The following KHNYN variants were observed in gnomAD, a reference collection of about 807,000 sequenced individuals.
KHNYN encodes protein KHNYN.
KHNYN carries 42 observed loss-of-function variants against 62.7 expected under a neutral mutation model. That is an observed-to-expected ratio of 0.67 (90% confidence interval 0.52 to 0.87). The LOEUF (loss-of-function observed/expected upper bound fraction) is 0.87, where lower values mean the gene tolerates loss of function less well. Among genes scored for constraint, KHNYN ranks in the 40% least tolerant of loss-of-function variants. The probability of loss-of-function intolerance (pLI) is 0.00; values close to 1 mark genes in which losing one functional copy is unlikely to be tolerated. For synonymous variants in KHNYN, 347 were observed against 345.6 expected, an observed-to-expected ratio of 1.00 and a Z score of -0.04; for missense variants, 829 against 874.1, an observed-to-expected ratio of 0.95 and a Z score of 0.65.
chr14:24,438,344 T>C lies in KHNYN; in HGVS notation c.*1059T>C, dbSNP rs1432011427. 1 of 152,632 alleles carries C rather than the reference T, an allele frequency of 6.6e-6. No homozygotes were observed. Among genetic ancestry groups the C allele is most frequent in the African/African-American group, 2.4e-5 (1 of 41,438 alleles). 9.5% of individuals were successfully genotyped at this position (152,632 alleles called of 1,614,324 possible). On this transcript the variant is annotated 3_prime_UTR_variant, in exon 8 of 8. Coordinates refer to ENST00000553935, the MANE Select transcript of KHNYN (RefSeq NM_015299.3). Reference sequence around the variant, plus strand: ...CTCTGCAATGACAATATTAATGTGATCCGACCCTAACATTTTCTCTATGGA... The same window carrying C: ...CTCTGCAATGACAATATTAATGTGACCCGACCCTAACATTTTCTCTATGGA...
At position 24,431,661 on chromosome 14, in the gene KHNYN, C is replaced by A; in HGVS notation, c.400C>A (p.Arg134=). 6.2e-7 allele frequency: 1 copy of A among 1,614,088 alleles called. No individual in the cohort carries two copies. ...LTEAFVMAQS[R]VEELAERLSW... ...TGAAGCCTTTGTCATGGCTCAGAGC[C>A]GGGTAGAAGAGCTGGCAGAGCGGCT... The change falls in exon 3 of 8, where the codon CGG becomes AGG. Residue 134 remains arginine, a synonymous_variant. Transcript: ENST00000553935.
chr14:24,436,187 A>G lies in KHNYN; in HGVS notation c.1685+8A>G, dbSNP rs758334211. Reference sequence around the variant, plus strand: ...GGCAATCATCAGAGAACGGTGAGGGAGCCCTCCCGCTGAGAACTGGGCACA... The same window carrying G: ...GGCAATCATCAGAGAACGGTGAGGGGGCCCTCCCGCTGAGAACTGGGCACA... On this transcript the variant is annotated splice_region_variant and intron_variant, in intron 6 of 7. Coordinates refer to ENST00000553935, the MANE Select transcript of KHNYN (RefSeq NM_015299.3). 3 of 1,607,194 alleles carry G rather than the reference A, an allele frequency of 1.9e-6. No individual in the cohort carries two copies. In the African/African-American group the frequency reaches 4.0e-5, roughly 21 times the overall value.
Position 24,432,368 on chromosome 14 carries a change from CT to C in KHNYN, c.1108del (p.Cys370ValfsTer41). ...CACCTGCACCGGAACCCCCATGGCA[CT>C]GTGGAGACCGGGGTGACTGCGGAGA... ...PPPAPEPPWH[C>X]GDRGDCGDRG... On this transcript the variant is annotated frameshift_variant, in exon 3 of 8. Coordinates refer to ENST00000553935, the MANE Select transcript of KHNYN (RefSeq NM_015299.3). LOFTEE classifies it high-confidence loss of function. This position sits in a 1 kb window ranked among gnomAD's most constrained non-coding sequence, Gnocchi z 5.6. The C allele has an allele frequency of 6.2e-7, 1 of 1,613,972 alleles. No homozygotes were observed. Among genetic ancestry groups the C allele is most frequent in the Non-Finnish European group, 8.5e-7 (1 of 1,179,976 alleles).
Position 24,432,946 on chromosome 14 carries a change from C to G in KHNYN, c.1491C>G (p.Phe497Leu), listed in dbSNP as rs758739634. The G allele has an allele frequency of 3.7e-6, 6 of 1,614,078 alleles. No homozygotes were observed. The highest frequency in any genetic ancestry group is 5.1e-6 in the Non-Finnish European group (6 of 1,180,030). ...GTTCTTTTTCAATAGAGAGTCACTT[C>G]CTGCAAAAGCTGTATTCCCTCAGCC... ...SKDAKVRESHFLQKLYSLSLL... is the reference protein window; with the variant it reads ...SKDAKVRESHLLQKLYSLSLL... Residue 497 changes from phenylalanine to leucine, a missense_variant, in exon 5 of 8, where the codon TTC becomes TTG. Around this residue, in one of 2 missense-constraint regions of KHNYN, gnomAD observed 270 missense variants for 347.1 expected, o/e 0.78. Transcript: ENST00000553935. This position sits in a 1 kb window ranked among gnomAD's most constrained non-coding sequence, Gnocchi z 5.6.
intron 7 of KHNYN, 40 bp from the exon 8 acceptor site, chr14:24,436,996 C>CA (rs1566502071): frequency 1.3e-6 from 2 of 1,586,344 alleles, no homozygotes; most frequent in Non-Finnish European, 1.7e-6. Context: ...ATTTCCCCCC[C>CA]AGGATGCTCA....
chr14:24,432,066 G>T lies in KHNYN; in HGVS notation c.805G>T (p.Asp269Tyr), dbSNP rs1487489151. 2.5e-6 allele frequency: 4 copies of T among 1,579,062 alleles called. No homozygotes were observed. In the African/African-American group the frequency reaches 5.4e-5, roughly 21 times the overall value. ...GAAACAGGGTGGTCCCAGGGAGATG[G>T]ATTGGGGGTGGAAGGAGTTGCCTGG... Reference protein sequence around the residue: ...GGKQGGPREMDWGWKELPGEE... With the variant: ...GGKQGGPREMYWGWKELPGEE... Residue 269 changes from aspartate to tyrosine, a missense_variant, in exon 3 of 8, where the codon GAT becomes TAT. By Grantham distance (160) the Asp-to-Tyr change is radical. This residue lies in a region of KHNYN where 559 missense variants were observed against 527.0 expected (regional missense o/e 1.06). Transcript: ENST00000553935. The surrounding 1 kb of genome is among the most constrained non-coding windows in gnomAD (Gnocchi z 5.6).
In KHNYN at chr14:24,432,433, G is replaced by A; in HGVS notation, c.1172G>A (p.Gly391Asp). 6.2e-7 allele frequency: 1 copy of A among 1,613,554 alleles called. No homozygotes were observed. The highest frequency in any genetic ancestry group is 8.5e-7 in the Non-Finnish European group (1 of 1,179,856). The change falls in exon 3 of 8, where the codon GGC becomes GAC. Residue 391 changes from glycine (G) to aspartate (D), a missense_variant. Coordinates refer to ENST00000553935, the MANE Select transcript of KHNYN (RefSeq NM_015299.3). The surrounding 1 kb of genome is among the most constrained non-coding windows in gnomAD (Gnocchi z 5.6). ...GGGGACAGGGGAGACAAGCAGCAGGGCATGGCACGGGGTCGGGGGCCTCAA... is the reference window on the plus strand; with the variant it reads ...GGGGACAGGGGAGACAAGCAGCAGGACATGGCACGGGGTCGGGGGCCTCAA... Reference protein sequence around the residue: ...DVGDRGDKQQGMARGRGPQWK... With the variant: ...DVGDRGDKQQDMARGRGPQWK...
chr14:24,430,216 GGGCCC>G lies in KHNYN; in HGVS notation c.-18+113_-18+117del, dbSNP rs1221752134. The G allele has an allele frequency of 3.8e-5, 35 of 914,206 alleles. No individual in the cohort carries two copies. The East Asian group carries it at 2.0e-3, about 53-fold the overall frequency. 56.6% of individuals were successfully genotyped at this position (914,206 alleles called of 1,614,324 possible). On this transcript the variant is annotated intron_variant, in intron 1 of 7. Transcript: ENST00000553935. ...GTGGCTGCCCCAGTCCGCGGTGGGCGGGCCCGGCCCGGCCCGGCCCCTGGGCCCTG... is the reference window on the plus strand; with the variant it reads ...GTGGCTGCCCCAGTCCGCGGTGGGCGGGCCCGGCCCGGCCCCTGGGCCCTG...
rs1328878264 is a variant in KHNYN at position 24,437,896 on chromosome 14, C to G, written c.*611C>G. ...GCCTACAAATCAGGGGTAAAAATAC[C>G]TGTTGGGAGGAGAAATGAGAACATA... On this transcript the variant is annotated 3_prime_UTR_variant, in exon 8 of 8. Transcript: ENST00000553935. This position sits in a 1 kb window ranked among gnomAD's most constrained non-coding sequence, Gnocchi z 5.5. The G allele has an allele frequency of 6.6e-6, 1 of 152,226 alleles. No individual in the cohort carries two copies. 9.4% of individuals were successfully genotyped at this position (152,226 alleles called of 1,614,324 possible).
At chr14:24,430,219 C>A in intron 1 of KHNYN, 100 bp downstream of exon 1, 3 of 853,132 alleles carry the variant, frequency 3.5e-6, no homozygotes, top group Non-Finnish European at 4.2e-6. Flanking sequence ...GGTGGGCGGG[C>A]CCGGCCCGGC....
chr14:24,427,589 G>C, upstream of KHNYN: 1 of 589,584 alleles, frequency 1.7e-6, no homozygotes, highest in East Asian at 2.9e-5. This position sits in a 1 kb window ranked among gnomAD's most constrained non-coding sequence, Gnocchi z 4.4. Flanking sequence ...AACTGGGGGT[G>C]GGTGGGTGGA....
rs2043328601 is a variant in KHNYN at position 24,441,201 on chromosome 14, C to G, written c.*3916C>G. 3.4e-5 allele frequency: 18 copies of G among 534,660 alleles called. No individual in the cohort carries two copies. The South Asian group carries it at 3.6e-4, about 11-fold the overall frequency. 33.1% of individuals were successfully genotyped at this position (534,660 alleles called of 1,614,324 possible). Reference sequence around the variant, plus strand: ...AGGCGCCTGAATTTTAATCAGCTCCCTCATTTATTAACTCTCTGACTTGAT... The same window carrying G: ...AGGCGCCTGAATTTTAATCAGCTCCGTCATTTATTAACTCTCTGACTTGAT... On this transcript the variant is annotated 3_prime_UTR_variant, in exon 8 of 8. Coordinates refer to ENST00000553935, the MANE Select transcript of KHNYN (RefSeq NM_015299.3).
chr14:24,429,375 C>G (rs953724948), upstream of KHNYN: 2 of 617,254 alleles, frequency 3.2e-6, no homozygotes, highest in African/African-American at 3.6e-5. Flanking sequence ...TGGGACAGCA[C>G]TGAGGGCTGG....
chr14:24,431,267 A>ATTAGGCTG (rs2043106802), intron 2 of KHNYN, among the ~76,000 whole-genome samples, 196 bp from the exon 3 acceptor site: 2 of 152,122 alleles, frequency 1.3e-5, no homozygotes, highest in Non-Finnish European at 2.9e-5. Flanking sequence ...TTCCTTTGGG[A>ATTAGGCTG]TTAGGCTGGG....
At position 24,437,146 on chromosome 14, in the gene KHNYN, G is replaced by T. The variant is rs760530291; in HGVS notation, c.1898G>T (p.Arg633Leu). 6.2e-7 allele frequency: 1 copy of T among 1,614,076 alleles called. No individual in the cohort carries two copies. Among genetic ancestry groups the T allele is most frequent in the Non-Finnish European group, 8.5e-7 (1 of 1,180,046 alleles). Residue 633 changes from arginine to leucine, a missense_variant, in exon 8 of 8, where the codon CGG becomes CTG. By Grantham distance (102) the Arg-to-Leu change is moderately radical. Coordinates refer to ENST00000553935, the MANE Select transcript of KHNYN (RefSeq NM_015299.3). The surrounding 1 kb of genome is among the most constrained non-coding windows in gnomAD (Gnocchi z 5.5). Reference protein sequence around the residue: ...EKGSGGIRKTRETERLRRQLL... With the variant: ...EKGSGGIRKTLETERLRRQLL... ...GGTAGTGGTGGCATTCGGAAGACCC[G>T]GGAAACAGAGCGGCTCCGGCGGCAG...
At chr14:24,423,952 A>T in the KHNYN span, among the ~76,000 whole-genome samples, 1 of 152,358 alleles carries the variant, frequency 6.6e-6, no homozygotes, top group South Asian at 2.1e-4. Flanking sequence ...TAAATATTTG[A>T]ACACGATTTC....
At position 24,441,573 on chromosome 14, in the gene KHNYN, G is replaced by T; in HGVS notation, c.*4288G>T. 1 of 994,168 alleles carries T rather than the reference G, an allele frequency of 1.0e-6. No homozygotes were observed. The highest frequency in any genetic ancestry group is 1.5e-6 in the Non-Finnish European group (1 of 687,784). 61.6% of individuals were successfully genotyped at this position (994,168 alleles called of 1,614,324 possible). On this transcript the variant is annotated 3_prime_UTR_variant, in exon 8 of 8. Coordinates refer to ENST00000553935, the MANE Select transcript of KHNYN (RefSeq NM_015299.3). Reference sequence around the variant, plus strand: ...GATCAAGGGCCTAGGAAGTCATTTTGCCTGGAAAAGACCAGTGCTCTGGTG... The same window carrying T: ...GATCAAGGGCCTAGGAAGTCATTTTTCCTGGAAAAGACCAGTGCTCTGGTG...
In KHNYN at chr14:24,441,820, A is replaced by G; in HGVS notation, c.*4535A>G. 1 of 1,599,222 alleles carries G rather than the reference A, an allele frequency of 6.3e-7. No individual in the cohort carries two copies. The highest frequency in any genetic ancestry group is 8.5e-7 in the Non-Finnish European group (1 of 1,173,554). ...TCTGCAGGAGAAACATGGGAAATAA[A>G]AAGCCACTAAATACATAAGTGCACA... On this transcript the variant is annotated 3_prime_UTR_variant, in exon 8 of 8. Coordinates refer to ENST00000553935, the MANE Select transcript of KHNYN (RefSeq NM_015299.3).
rs762404583 is a variant in KHNYN at position 24,432,144 on chromosome 14, G to C, written c.883G>C (p.Gly295Arg). 1 of 1,553,506 alleles carries C rather than the reference G, an allele frequency of 6.4e-7. No individual in the cohort carries two copies. The highest frequency in any genetic ancestry group is 8.7e-7 in the Non-Finnish European group (1 of 1,148,834). Residue 295 changes from glycine to arginine, a missense_variant, in exon 3 of 8, where the codon GGG (glycine) becomes CGG (arginine). Coordinates refer to ENST00000553935, the MANE Select transcript of KHNYN (RefSeq NM_015299.3). This position sits in a 1 kb window ranked among gnomAD's most constrained non-coding sequence, Gnocchi z 5.6. Reference sequence around the variant, plus strand: ...CCTCAGGCCACAGTCAGTGGGTGGAGGGGCAAGGGAGTCAGCACCCCTGAA... The same window carrying C: ...CCTCAGGCCACAGTCAGTGGGTGGACGGGCAAGGGAGTCAGCACCCCTGAA... ...VALRPQSVGG[G>R]ARESAPLKGK...
Sources: gnomAD v4.1 joint callset for allele counts (sites outside exome capture counted in the v4.1 genomes callset) on GRCh38, gnomAD v4.1.1 for gene constraint, gnomAD v4.1.1 regional missense constraint, Gnocchi (gnomAD v3.1) non-coding constraint, MANE v1.5 for transcripts, NCBI Gene and HGNC (gene_info 2026-07-23, HGNC 2026-07-21) for gene names.